The following PLXDC1 variants were observed in gnomAD, a reference collection of about 807,000 sequenced individuals.
PLXDC1 encodes the protein plexin domain-containing protein 1.
In PLXDC1, 39 loss-of-function variants were observed where a neutral mutation model predicts 61.3. The observed-to-expected ratio is 0.64, with a 90% CI of 0.49 to 0.83. PLXDC1 has a LOEUF of 0.83. Among genes scored for constraint, PLXDC1 ranks in the 40% least tolerant of loss-of-function variants. The probability of loss-of-function intolerance (pLI) is 0.00; values close to 1 mark genes in which losing one functional copy is unlikely to be tolerated. For missense variants in PLXDC1, 596 were observed against 666.5 expected (o/e 0.89, Z 1.17); for synonymous variants, 212 against 254.5 (o/e 0.83, Z 1.59).
chr17:39,072,690 G>A, intron 11 of PLXDC1: 7 of 599,098 alleles, frequency 1.2e-5, no homozygotes, highest in South Asian at 1.1e-4. Flanking sequence ...GGGGACTGGT[G>A]AGAGATGAGG....
intron 2 of PLXDC1, among the ~76,000 whole-genome samples, chr17:39,127,642 A>C (rs1234224286): frequency 2.0e-5 from 3 of 152,130 alleles, no homozygotes; most frequent in Non-Finnish European, 4.4e-5. Context: ...ATATAAAAAT[A>C]GCCCAAAAAG....
chr17:39,095,133 T>C (rs1258849408), intron 7 of PLXDC1, among the ~76,000 whole-genome samples: 1 of 151,026 alleles, frequency 6.6e-6, no homozygotes, highest in Non-Finnish European at 1.5e-5. Flanking sequence ...GGGGGCAGAG[T>C]TGGGGATGTG....
intron 11 of PLXDC1, among the ~76,000 whole-genome samples, chr17:39,077,274 C>T (rs967345033): frequency 3.9e-5 from 6 of 152,114 alleles, no homozygotes; most frequent in East Asian, 1.9e-4. Flanking sequence ...GGCCTAGGAC[C>T]GGAGGAGCCT....
At chr17:39,070,184 A>G (rs765663559) in intron 12 of PLXDC1, 168 bp from the exon 13 acceptor site, 13 of 532,650 alleles carry the variant, frequency 2.4e-5, no homozygotes, top group Non-Finnish European at 3.3e-5. Context: ...ATTATGAGTA[A>G]GGCATTCATG....
At chr17:39,077,888 C>T (rs758816884) in intron 11 of PLXDC1, 25 bp downstream of exon 11, 14 of 1,613,292 alleles carry the variant, frequency 8.7e-6, no homozygotes, top group African/African-American at 1.3e-5. Flanking sequence ...CTCCTCTCTG[C>T]TCCCCTCCTG....
chr17:39,107,741 C>T (rs1363746207), intron 5 of PLXDC1: 4 of 604,270 alleles, frequency 6.6e-6, no homozygotes, highest in Middle Eastern at 2.6e-4. Flanking sequence ...GCCCCAGATA[C>T]TGTACTTGAT....
intron 7 of PLXDC1, among the ~76,000 whole-genome samples, chr17:39,092,996 C>T (rs1419924186): frequency 6.6e-6 from 1 of 152,324 alleles, no homozygotes; most frequent in African/African-American, 2.4e-5. Flanking sequence ...CTCCAGCACA[C>T]CCCTGCTGAG....
At chr17:39,135,497 T>C (rs1488733209) in intron 2 of PLXDC1, among the ~76,000 whole-genome samples, 1 of 151,956 alleles carries the variant, frequency 6.6e-6, no homozygotes, top group Non-Finnish European at 1.5e-5. Context: ...GCCAACATGG[T>C]GAAACCCCAT....
At chr17:39,145,924 G>A (rs2045338361) in intron 1 of PLXDC1, among the ~76,000 whole-genome samples, 1 of 152,078 alleles carries the variant, frequency 6.6e-6, no homozygotes, top group African/African-American at 2.4e-5. Context: ...CATATACACA[G>A]AGCACCCAGC....
intron 2 of PLXDC1, among the ~76,000 whole-genome samples, chr17:39,122,116 G>T (rs772059943): frequency 2.8e-5 from 4 of 141,666 alleles, no homozygotes; most frequent in South Asian, 2.4e-4. Flanking sequence ...AAAAAAGGGG[G>T]GGGGGACTGG....
At position 39,083,514 on chromosome 17, in the gene PLXDC1, C is replaced by T. The variant is rs900260328; in HGVS notation, c.934G>A (p.Ala312Thr). Residue 312 changes from alanine (A) to threonine (T), a missense_variant, in exon 9 of 14, where the codon GCC becomes ACC. Transcript: ENST00000315392. ...AAGGTCAGGTCTGAGGACATGCAGG[C>T]GTCACAGCTCCTATGCTGCAGGCAG... The part of the protein sequence containing the change: ...PTCLQHRSCD[A>T]CMSSDLTFNC... The T allele has an allele frequency of 8.1e-6, 13 of 1,613,380 alleles. No individual in the cohort carries two copies. The highest frequency in any genetic ancestry group is 5.0e-5 in the Admixed American group (3 of 59,950).
Position 39,077,897 on chromosome 17 carries a change from T to A in PLXDC1, c.1186+16A>T. ...CCTGGCCTCCTCTCTGCTCCCCTCC[T>A]GGGCTCAGAACTTACCTTCTGTGGT... is the stretch of plus-strand genomic sequence containing the variant. On this transcript the variant is annotated intron_variant, in intron 11 of 13. Coordinates refer to ENST00000315392, the MANE Select transcript of PLXDC1 (RefSeq NM_020405.5). The A allele has an allele frequency of 1.2e-6, 2 of 1,613,958 alleles. No homozygotes were observed. Among genetic ancestry groups the A allele is most frequent in the Non-Finnish European group, 1.7e-6 (2 of 1,179,876 alleles).
Position 39,063,871 on chromosome 17 carries a change from G to A in PLXDC1, c.*3969C>T, listed in dbSNP as rs576442823. 12 of 197,404 alleles carry A rather than the reference G, an allele frequency of 6.1e-5. No homozygotes were observed. The highest frequency in any genetic ancestry group is 2.8e-4 in the African/African-American group (12 of 42,894). 12.2% of individuals were successfully genotyped at this position (197,404 alleles called of 1,614,324 possible). ...TGATCAGTGCTTCATGCCAATCTGTGAGTCTGTTCCAGGAACTAGAGGAGA... is the reference window on the plus strand; with the variant it reads ...TGATCAGTGCTTCATGCCAATCTGTAAGTCTGTTCCAGGAACTAGAGGAGA... On this transcript the variant is annotated 3_prime_UTR_variant, in exon 14 of 14. Transcript: ENST00000315392.
At chr17:39,107,602 G>T in intron 5 of PLXDC1, 77 bp from the exon 6 acceptor site, 1 of 1,074,108 alleles carries the variant, frequency 9.3e-7, no homozygotes, top group Non-Finnish European at 1.5e-6. Context: ...CCAGTCGGAG[G>T]GCAGCGGCCA....
upstream of PLXDC1, among the ~76,000 whole-genome samples, chr17:39,152,057 C>T (rs983535077): frequency 2.0e-5 from 3 of 152,056 alleles, no homozygotes; most frequent in African/African-American, 7.3e-5. Flanking sequence ...GAATTCTGTG[C>T]GTCTCTGATG....
In PLXDC1 at chr17:39,064,829, TG is replaced by T. The variant is rs1439455866; in HGVS notation, c.*3010del. ...GAAAAAGGACAGTGCAGCAAAGAGTTGGGTTCCTTTCAAGCTTCTAAAGGAC... is the reference window on the plus strand; with the variant it reads ...GAAAAAGGACAGTGCAGCAAAGAGTTGGTTCCTTTCAAGCTTCTAAAGGAC... On this transcript the variant is annotated 3_prime_UTR_variant, in exon 14 of 14. Transcript: ENST00000315392. The T allele has an allele frequency of 1.3e-5, 2 of 152,060 alleles. No individual in the cohort carries two copies. Among genetic ancestry groups the T allele is most frequent in the Admixed American group, 1.3e-4 (2 of 15,252 alleles). The allele number at this position is 152,060 out of a possible 1,614,324, so 9.4% of individuals were successfully genotyped here. A position where few individuals can be genotyped will look rare whatever the true frequency, so the allele number is the denominator to read the frequency against.
chr17:39,086,800 T>C (rs1909755252), intron 8 of PLXDC1, among the ~76,000 whole-genome samples: 2 of 130,668 alleles, frequency 1.5e-5, no homozygotes, highest in Non-Finnish European at 3.1e-5. Flanking sequence ...AGATAGAGAT[T>C]GCAGTGAGCC....
At chr17:39,150,453 A>G (rs1275719085) in intron 1 of PLXDC1, among the ~76,000 whole-genome samples, 1 of 152,118 alleles carries the variant, frequency 6.6e-6, no homozygotes, top group Non-Finnish European at 1.5e-5. Context: ...ATGCACAGGT[A>G]TCTATCTTCT....
At chr17:39,132,980 A>C (rs1911614803) in intron 2 of PLXDC1, among the ~76,000 whole-genome samples, 1 of 152,120 alleles carries the variant, frequency 6.6e-6, no homozygotes, top group Non-Finnish European at 1.5e-5. Flanking sequence ...AAACTCTGTG[A>C]GACAGACCAA....
Sources: allele counts gnomAD v4.1 joint callset (sites outside exome capture counted in the v4.1 genomes callset), GRCh38; gene constraint gnomAD v4.1.1; transcripts MANE v1.5; gene names NCBI Gene and HGNC (gene_info 2026-07-23, HGNC 2026-07-21).